Variants in DGKB observed in about 807,000 individuals in gnomAD.
DGKB encodes diacylglycerol kinase beta.
In DGKB, 67 loss-of-function variants were observed where a neutral mutation model predicts 114.3. The observed-to-expected ratio is 0.59, with a 90% confidence interval of 0.48 to 0.72. The LOEUF (loss-of-function observed/expected upper bound fraction) is 0.72, where lower values mean the gene tolerates loss of function less well. DGKB is among the 30% of genes least tolerant of loss of function. The pLI is 0.00. For missense variants in DGKB, 907 were observed against 975.2 expected (o/e 0.93, Z 0.93); for synonymous variants, 398 against 323.1 (o/e 1.23, Z -2.49).
At chr7:14,807,270 G>C (rs371565996) in intron 2 of DGKB, among the ~76,000 whole-genome samples, 8 of 151,766 alleles carry the variant, frequency 5.3e-5, no homozygotes, top group African/African-American at 1.9e-4. Context: ...CTATATTTTA[G>C]GTTTCTTGAG....
At chr7:14,890,991 T>A (rs372623263) in intron 1 of DGKB, among the ~76,000 whole-genome samples, 18 of 151,590 alleles carry the variant, frequency 1.2e-4, no homozygotes, top group African/African-American at 3.6e-4. Flanking sequence ...AATAACATTA[T>A]TGAGTATTAT....
chr7:14,710,719 A>G (rs560971786), intron 6 of DGKB, among the ~76,000 whole-genome samples: 8 of 152,200 alleles, frequency 5.3e-5, no homozygotes, highest in South Asian at 4.1e-4. Flanking sequence ...TTTGTTTTTA[A>G]TCATGAATAG....
intron 1 of DGKB, among the ~76,000 whole-genome samples, chr7:14,943,829 C>A (rs891856943): frequency 1.3e-5 from 2 of 151,794 alleles, no homozygotes; most frequent in African/African-American, 2.4e-5. Flanking sequence ...CTTCTGAATT[C>A]TTTACTACAT....
At chr7:14,895,646 A>C (rs989533800) in intron 1 of DGKB, among the ~76,000 whole-genome samples, 1 of 151,442 alleles carries the variant, frequency 6.6e-6, no homozygotes, top group African/African-American at 2.4e-5. Context: ...CTCTTCTTTC[A>C]CCGATCCTGG....
chr7:14,614,267 C>T (rs1430268298), intron 15 of DGKB, among the ~76,000 whole-genome samples: 3 of 152,034 alleles, frequency 2.0e-5, no homozygotes, highest in Non-Finnish European at 4.4e-5. Context: ...AGTTGTTTTA[C>T]GTAGTGTGGG....
intron 23 of DGKB, among the ~76,000 whole-genome samples, chr7:14,256,046 T>C (rs6949452): frequency 0.24 from 36,694 of 152,182 alleles, 4,645 homozygotes; most frequent in African/African-American, 0.27. Context: ...TCCTCATTCT[T>C]TATTAATCAT....
chr7:14,284,496 C>T (rs1340642636), intron 23 of DGKB, among the ~76,000 whole-genome samples: 20 of 145,236 alleles, frequency 1.4e-4, no homozygotes, highest in Non-Finnish European at 2.8e-4. Context: ...TTTGACCCAG[C>T]CATCCTATTA....
In DGKB at chr7:14,328,793, A is replaced by T. The variant is rs577429871; in HGVS notation, c.2122+9722T>A. 1.7e-4 allele frequency among the ~76,000 whole-genome samples: 26 copies of T among 152,152 alleles called. No individual in the cohort carries two copies. The South Asian group carries it at 5.2e-3, about 30-fold the overall frequency. The stretch of plus-strand genomic sequence containing the variant: ...GTCATGTTTATCCATGTAGATTTGT[A>T]ATCTTACTGCAAATGTCTGTCACCT... On this transcript the variant is annotated intron_variant, in intron 23 of 25. Coordinates refer to ENST00000402815, the MANE Select transcript of DGKB (RefSeq NM_001350709.2).
At chr7:14,654,790 C>T (rs904044724) in intron 13 of DGKB, among the ~76,000 whole-genome samples, 1 of 151,892 alleles carries the variant, frequency 6.6e-6, no homozygotes, top group Non-Finnish European at 1.5e-5. Flanking sequence ...AAGACACCCT[C>T]TATAATAAAT....
chr7:14,315,746 T>A (rs2128518309), intron 23 of DGKB, among the ~76,000 whole-genome samples: 1 of 151,082 alleles, frequency 6.6e-6, no homozygotes, highest in Admixed American at 6.6e-5. Flanking sequence ...TCAACAAGGA[T>A]ACCCAGGAAT....
intron 20 of DGKB, among the ~76,000 whole-genome samples, chr7:14,487,572 T>C (rs540290347): frequency 6.7e-6 from 1 of 148,324 alleles, no homozygotes; most frequent in Admixed American, 6.9e-5. Flanking sequence ...TCAAAGTTCT[T>C]AAGAAAATTC....
chr7:14,318,880 A>G (rs1185944571), intron 23 of DGKB, among the ~76,000 whole-genome samples: 1 of 152,168 alleles, frequency 6.6e-6, no homozygotes, highest in East Asian at 1.9e-4. Flanking sequence ...AAGACTTGGA[A>G]CCAACCCAAA....
intron 8 of DGKB, among the ~76,000 whole-genome samples, chr7:14,694,575 A>G (rs1823478461): frequency 1.3e-5 from 2 of 152,198 alleles, no homozygotes; most frequent in African/African-American, 4.8e-5. Flanking sequence ...AGCTCATATA[A>G]TTCTTTGCTA....
At chr7:14,159,738 T>C (rs1783573637) in intron 25 of DGKB, among the ~76,000 whole-genome samples, 1 of 152,170 alleles carries the variant, frequency 6.6e-6, no homozygotes, top group Non-Finnish European at 1.5e-5. Context: ...GGCGCCATCT[T>C]GGCTCATTGC....
In DGKB at chr7:14,698,065, A is replaced by G. The variant is rs1254083161; in HGVS notation, c.591+30T>C. The G allele has an allele frequency of 1.3e-5, 16 of 1,271,846 alleles. No individual in the cohort carries two copies. The African/African-American group carries it at 2.4e-4, about 19-fold the overall frequency. 78.8% of individuals were successfully genotyped at this position (1,271,846 alleles called of 1,614,324 possible). ...GAAAGAAAGAGGCCTTCCAGAATTT[A>G]GCCAATAGTGAAATCATTCATATAC... On this transcript the variant is annotated intron_variant, in intron 8 of 25. Transcript: ENST00000402815.
chr7:14,447,772 G>C lies in DGKB; in HGVS notation c.1835+30389C>G, dbSNP rs1353768528. Among the ~76,000 whole-genome samples the C allele has an allele frequency of 2.6e-5, 4 of 152,112 alleles. No individual in the cohort carries two copies. In the East Asian group the frequency reaches 7.8e-4, roughly 30 times the overall value. ...GCCAAGTTGTCACAGCACACTTACT[G>C]GTTATAACCACTGACTTTTTCTAAG... On this transcript the variant is annotated intron_variant, in intron 21 of 25. Coordinates refer to ENST00000402815, the MANE Select transcript of DGKB (RefSeq NM_001350709.2).
At chr7:14,963,468 G>A (rs771648142) in intron 1 of DGKB, among the ~76,000 whole-genome samples, 1 of 152,116 alleles carries the variant, frequency 6.6e-6, no homozygotes, top group African/African-American at 2.4e-5. Context: ...GGAACAGTCA[G>A]AATTCAATTT....
intron 2 of DGKB, among the ~76,000 whole-genome samples, chr7:14,823,498 A>G (rs1845231853): frequency 6.6e-6 from 1 of 152,176 alleles, no homozygotes; most frequent in Admixed American, 6.6e-5. Flanking sequence ...ATTTCTACTG[A>G]GAGAACTGTT....
chr7:14,219,209 T>C (rs12699581), intron 23 of DGKB, among the ~76,000 whole-genome samples: 22,216 of 151,886 alleles, frequency 0.15, 2,037 homozygotes, highest in South Asian at 0.24. Context: ...TTGGCTATTA[T>C]GAATAATGTT....
Sources: gnomAD v4.1 joint callset for allele counts (sites outside exome capture counted in the v4.1 genomes callset) on GRCh38, gnomAD v4.1.1 for gene constraint, MANE v1.5 for transcripts, NCBI Gene and HGNC (gene_info 2026-07-23, HGNC 2026-07-21) for gene names.